Variants in ROBO2 observed in about 807,000 individuals in gnomAD.
ROBO2 encodes the protein roundabout guidance receptor 2.
A neutral mutation model predicts 160.8 loss-of-function variants in ROBO2; 53 were observed. The ratio of observed to expected loss-of-function variants is 0.33; its 90% CI spans 0.26 to 0.41. ROBO2 has a LOEUF of 0.41. Ranked by LOEUF, ROBO2 falls within the 10% of genes least tolerant of loss-of-function variation. The pLI, the probability that ROBO2 is intolerant of heterozygous loss-of-function variation, is 1.00. For synonymous variants in ROBO2, 664 were observed against 611.7 expected, an observed-to-expected ratio of 1.09 and a Z score of -1.26; for missense variants, 1,577 against 1,722.4, an observed-to-expected ratio of 0.92 and a Z score of 1.49.
chr3:76,942,141 T>C (rs950673047), intron 2 of ROBO2, among the ~76,000 whole-genome samples: 1 of 152,220 alleles, frequency 6.6e-6, no homozygotes, highest in Non-Finnish European at 1.5e-5. Flanking sequence ...ATAGAAAATG[T>C]ATAGTTACTT....
chr3:76,056,137 G>A (rs1008549132), intron 2 of ROBO2, among the ~76,000 whole-genome samples: 2 of 152,046 alleles, frequency 1.3e-5, no homozygotes, highest in African/African-American at 4.8e-5. Flanking sequence ...CAACTACATA[G>A]CATTCACATT....
intron 2 of ROBO2, among the ~76,000 whole-genome samples, chr3:77,350,579 A>G (rs1560595256): frequency 6.6e-6 from 1 of 152,196 alleles, no homozygotes; most frequent in Non-Finnish European, 1.5e-5. Flanking sequence ...ATTAGAGACG[A>G]AGGACAGACT....
At chr3:76,972,035 C>G (rs946650970) in intron 2 of ROBO2, among the ~76,000 whole-genome samples, 3 of 152,200 alleles carry the variant, frequency 2.0e-5, no homozygotes, top group African/African-American at 7.2e-5. Context: ...ACTTAAGTTT[C>G]TCAAATAACC....
intron 2 of ROBO2, among the ~76,000 whole-genome samples, chr3:76,799,077 G>A (rs1385641022): frequency 1.3e-5 from 2 of 152,084 alleles, no homozygotes; most frequent in Non-Finnish European, 2.9e-5. Flanking sequence ...AGCTGGGCAT[G>A]GTGGCAGGCG....
chr3:76,811,838 T>TTTCCTTCC (rs59218956), intron 2 of ROBO2, among the ~76,000 whole-genome samples: 424 of 33,350 alleles, frequency 0.013, 21 homozygotes, highest in African/African-American at 0.026. Context: ...TCCTTCCTTC[T>TTTCCTTCC]TTCCTTCCTT....
chr3:76,290,225 G>C (rs893248429), intron 2 of ROBO2, among the ~76,000 whole-genome samples: 1 of 151,976 alleles, frequency 6.6e-6, no homozygotes, highest in African/African-American at 2.4e-5. Context: ...CCAGTGTTTT[G>C]TAATTCTCAT....
chr3:76,731,605 T>C (rs1468497617), intron 2 of ROBO2, among the ~76,000 whole-genome samples: 3 of 152,198 alleles, frequency 2.0e-5, no homozygotes, highest in African/African-American at 7.2e-5. Context: ...TTGGACAGAA[T>C]AGTGACTCTG....
chr3:76,067,383 A>C (rs2068288966), intron 2 of ROBO2, among the ~76,000 whole-genome samples: 2 of 152,220 alleles, frequency 1.3e-5, no homozygotes, highest in Admixed American at 6.5e-5. Flanking sequence ...CTTTTTGAAC[A>C]AATGTTTGGA....
intron 2 of ROBO2, among the ~76,000 whole-genome samples, chr3:77,243,655 A>G (rs999146577): frequency 3.9e-5 from 6 of 152,200 alleles, no homozygotes; most frequent in Non-Finnish European, 5.9e-5. Context: ...GGTTTTTGTC[A>G]TTAAAATACT....
intron 2 of ROBO2, among the ~76,000 whole-genome samples, chr3:77,255,218 C>A (rs1031227388): frequency 1.3e-5 from 2 of 152,014 alleles, no homozygotes; most frequent in Non-Finnish European, 2.9e-5. Context: ...TTACATGAGT[C>A]CAAAATGTTG....
At chr3:77,037,263 A>T (rs746077143), upstream of ROBO2, among the ~76,000 whole-genome samples, 1 of 152,160 alleles carries the variant, frequency 6.6e-6, no homozygotes, top group African/African-American at 2.4e-5. Context: ...CTTTTAAAAA[A>T]CCAGTTATGA....
chr3:76,089,974 G>A (rs148541233), intron 2 of ROBO2, among the ~76,000 whole-genome samples: 3 of 152,128 alleles, frequency 2.0e-5, no homozygotes, highest in African/African-American at 7.2e-5. Context: ...ATTATAGAAA[G>A]GTATCAGAAT....
chr3:76,680,031 T>C (rs544911420), intron 2 of ROBO2, among the ~76,000 whole-genome samples: 1 of 152,284 alleles, frequency 6.6e-6, no homozygotes, highest in South Asian at 2.1e-4. Flanking sequence ...GTGTAGTTGG[T>C]ATATTGCTGT....
intron 2 of ROBO2, among the ~76,000 whole-genome samples, chr3:76,331,062 T>A (rs879616101): frequency 1.3e-5 from 2 of 152,238 alleles, no homozygotes; most frequent in Non-Finnish European, 2.9e-5. Flanking sequence ...TTTGAAGCTT[T>A]TCTACCACTT....
At chr3:77,226,972 C>T (rs2086578390) in intron 2 of ROBO2, among the ~76,000 whole-genome samples, 1 of 152,102 alleles carries the variant, frequency 6.6e-6, no homozygotes, top group Admixed American at 6.5e-5. Context: ...CTTCATTTTT[C>T]TTTAACAGCT....
In ROBO2 at chr3:77,579,915, A is replaced by G. The variant is rs759735143; in HGVS notation, c.2329-32A>G. 3.8e-6 allele frequency: 6 copies of G among 1,587,394 alleles called. No individual in the cohort carries two copies. The Admixed American group carries it at 1.0e-4, about 26-fold the overall frequency. On this transcript the variant is annotated intron_variant, in intron 15 of 25. Coordinates refer to ENST00000461745, the Ensembl canonical transcript of ROBO2. ...TCGTTACCAGAAACGATAATCTTAT[A>G]TCCATGTGTTATTCACTTTCCATTT... is the stretch of plus-strand genomic sequence containing the variant.
At chr3:77,282,662 T>C (rs1406331842) in intron 2 of ROBO2, among the ~76,000 whole-genome samples, 1 of 152,140 alleles carries the variant, frequency 6.6e-6, no homozygotes, top group Non-Finnish European at 1.5e-5. Context: ...GAATGAATTA[T>C]TGATGTACTT....
intron 2 of ROBO2, among the ~76,000 whole-genome samples, chr3:76,837,530 A>C (rs1300811543): frequency 6.6e-6 from 1 of 151,578 alleles, no homozygotes; most frequent in African/African-American, 2.4e-5. Context: ...TTAAAAAAAA[A>C]ACCCAAACAT....
chr3:77,223,804 T>A (rs2086135277), intron 2 of ROBO2, among the ~76,000 whole-genome samples: 1 of 152,056 alleles, frequency 6.6e-6, no homozygotes, highest in Non-Finnish European at 1.5e-5. Context: ...GTATCTCATT[T>A]TTTCTTCCTT....
Sources: gnomAD v4.1 joint callset for allele counts (sites outside exome capture counted in the v4.1 genomes callset) on GRCh38, gnomAD v4.1.1 for gene constraint, MANE v1.5 for transcripts, NCBI Gene and HGNC (gene_info 2026-07-23, HGNC 2026-07-21) for gene names.